EPB41L2: variants seen among roughly 807,000 people sequenced by gnomAD.
EPB41L2 encodes band 4.1-like protein 2.
In EPB41L2, 43 loss-of-function variants were observed where a neutral mutation model predicts 113.0. The ratio of observed to expected loss-of-function variants is 0.38; its 90% CI spans 0.30 to 0.49. The LOEUF is 0.49. Among genes scored for constraint, EPB41L2 ranks in the 20% least tolerant of loss-of-function variants. EPB41L2 has a pLI of 0.95. For synonymous variants in EPB41L2, 442 were observed against 436.7 expected, an observed-to-expected ratio of 1.01 and a Z score of -0.15; for missense variants, 1,147 against 1,223.4, an observed-to-expected ratio of 0.94 and a Z score of 0.93.
At chr6:130,845,891 T>C (rs1427334883) in intron 19 of EPB41L2, among the ~76,000 whole-genome samples, 1 of 152,166 alleles carries the variant, frequency 6.6e-6, no homozygotes, top group East Asian at 1.9e-4. Flanking sequence ...AGGAAAAGCA[T>C]CTATGGGAAT....
At chr6:130,904,782 C>T (rs1797243003) in intron 5 of EPB41L2, among the ~76,000 whole-genome samples, 1 of 151,972 alleles carries the variant, frequency 6.6e-6, no homozygotes, top group African/African-American at 2.4e-5. Context: ...TTCTTATAAA[C>T]ATTTACTGAT....
At chr6:130,976,492 T>C (rs749319840) in intron 1 of EPB41L2, among the ~76,000 whole-genome samples, 58 of 152,306 alleles carry the variant, frequency 3.8e-4, no homozygotes, top group Admixed American at 7.2e-4. Context: ...AAAAGTACTG[T>C]AGATTTATGG....
chr6:130,929,967 G>C (rs1249852285), intron 3 of EPB41L2, among the ~76,000 whole-genome samples: 1 of 151,740 alleles, frequency 6.6e-6, no homozygotes, highest in African/African-American at 2.4e-5. Flanking sequence ...AGAAGCCAAA[G>C]GTATCACGAG....
At chr6:130,899,457 A>G (rs765022020) in intron 8 of EPB41L2, 34 bp downstream of exon 8, 3 of 1,562,710 alleles carry the variant, frequency 1.9e-6, no homozygotes, top group Non-Finnish European at 2.6e-6. Context: ...TCAACAGACT[A>G]CTATGATGCT....
chr6:130,953,336 A>G (rs1200877049), intron 3 of EPB41L2, among the ~76,000 whole-genome samples: 1 of 152,120 alleles, frequency 6.6e-6, no homozygotes, highest in Non-Finnish European at 1.5e-5. Flanking sequence ...CAGGAGAAGA[A>G]AAGAAAGCTT....
chr6:131,042,054 G>C (rs1794559077), intron 1 of EPB41L2, among the ~76,000 whole-genome samples: 1 of 152,176 alleles, frequency 6.6e-6, no homozygotes, highest in Non-Finnish European at 1.5e-5. Context: ...TGGGGAACAT[G>C]GGTTTGGAAG....
At chr6:130,920,533 T>C (rs1439072363) in intron 4 of EPB41L2, among the ~76,000 whole-genome samples, 2 of 152,218 alleles carry the variant, frequency 1.3e-5, no homozygotes, top group Non-Finnish European at 2.9e-5. Flanking sequence ...TCTTGCTCTG[T>C]CACCTAGGCG....
intron 4 of EPB41L2, among the ~76,000 whole-genome samples, chr6:130,914,844 C>G (rs1475310546): frequency 6.6e-6 from 1 of 152,200 alleles, no homozygotes. Context: ...ACTTTCTCCT[C>G]TCCATTCCCT....
intron 3 of EPB41L2, among the ~76,000 whole-genome samples, chr6:130,951,489 T>TA (rs956722417): frequency 2.6e-5 from 4 of 151,460 alleles, no homozygotes; most frequent in Non-Finnish European, 5.9e-5. Context: ...CACGCCCGGC[T>TA]AAAATTTTTG....
intron 4 of EPB41L2, among the ~76,000 whole-genome samples, chr6:130,921,487 T>G (rs997978401): frequency 6.6e-6 from 1 of 152,110 alleles, no homozygotes; most frequent in Non-Finnish European, 1.5e-5. Context: ...TCTTTCCTAT[T>G]AAGAGAGGCT....
At chr6:130,969,833 A>T (rs1776314490) in intron 1 of EPB41L2, among the ~76,000 whole-genome samples, 1 of 152,142 alleles carries the variant, frequency 6.6e-6, no homozygotes, top group African/African-American at 2.4e-5. Flanking sequence ...TGCTTCCAGA[A>T]ATAATATCAT....
At chr6:130,934,938 T>C (rs1484751865) in intron 3 of EPB41L2, among the ~76,000 whole-genome samples, 1 of 152,138 alleles carries the variant, frequency 6.6e-6, no homozygotes, top group East Asian at 1.9e-4. Flanking sequence ...TACAACATAT[T>C]TTTCTTGTAT....
intron 18 of EPB41L2, among the ~76,000 whole-genome samples, chr6:130,859,771 C>A (rs1047858232): frequency 2.8e-4 from 42 of 149,742 alleles, no homozygotes; most frequent in Admixed American, 1.1e-3. Context: ...AAAAAGACAT[C>A]ATTTTCATAC....
chr6:131,001,125 G>C (rs936672205), intron 1 of EPB41L2, among the ~76,000 whole-genome samples: 1 of 152,108 alleles, frequency 6.6e-6, no homozygotes, highest in Admixed American at 6.5e-5. Context: ...TAAGAGAAGA[G>C]AGCGTAAATG....
chr6:130,984,900 G>A (rs1450614181), intron 1 of EPB41L2, among the ~76,000 whole-genome samples: 2 of 152,182 alleles, frequency 1.3e-5, no homozygotes, highest in Non-Finnish European at 2.9e-5. Flanking sequence ...ACTCTGAAAG[G>A]GAGAATGAAT....
At chr6:131,008,212 TCCCAGCTGCTTCAGC>T (rs1457881038) in intron 1 of EPB41L2, among the ~76,000 whole-genome samples, 1 of 152,244 alleles carries the variant, frequency 6.6e-6, no homozygotes, top group African/African-American at 2.4e-5. Context: ...GTGCCCTGCA[TCCCAGCTGCTTCAGC>T]TCCAGCTGTG....
At chr6:130,929,802 G>A (rs967672889) in intron 3 of EPB41L2, among the ~76,000 whole-genome samples, 2 of 147,002 alleles carry the variant, frequency 1.4e-5, no homozygotes, top group Non-Finnish European at 3.0e-5. Flanking sequence ...TGGGGATGAG[G>A]AATAGCAGAT....
intron 17 of EPB41L2, among the ~76,000 whole-genome samples, chr6:130,864,671 C>T (rs1019638381): frequency 1.3e-5 from 2 of 152,204 alleles, no homozygotes; most frequent in African/African-American, 4.8e-5. Context: ...CAGCATTTTA[C>T]CATAACAAAC....
In EPB41L2 at chr6:130,926,601, T is replaced by C. The variant is rs1192561333; in HGVS notation, c.810+4A>G. ...AAGATAAAAATAAACTTGAAATCACTTACTTTCTGCTCAGGGCTTTCCTGA... is the reference window on the plus strand; with the variant it reads ...AAGATAAAAATAAACTTGAAATCACCTACTTTCTGCTCAGGGCTTTCCTGA... On this transcript the variant is annotated splice_donor_region_variant and intron_variant, in intron 4 of 19. Coordinates refer to ENST00000337057, the MANE Select transcript of EPB41L2 (RefSeq NM_001431.4). 3.2e-6 allele frequency: 5 copies of C among 1,576,610 alleles called. No individual in the cohort carries two copies. Among genetic ancestry groups the C allele is most frequent in the Non-Finnish European group, 4.3e-6 (5 of 1,155,558 alleles).
Sources: allele counts gnomAD v4.1 joint callset (sites outside exome capture counted in the v4.1 genomes callset), GRCh38; gene constraint gnomAD v4.1.1; transcripts MANE v1.5; gene names NCBI Gene and HGNC (gene_info 2026-07-23, HGNC 2026-07-21).